PCSK1: variants seen among roughly 807,000 people sequenced by gnomAD.
PCSK1 encodes neuroendocrine convertase 1.
PCSK1 carries 56 observed loss-of-function variants against 90.6 expected under a neutral mutation model. The ratio of observed to expected loss-of-function variants is 0.62; its 90% CI spans 0.50 to 0.77. The LOEUF is 0.77. Ranked by LOEUF, PCSK1 falls within the 30% of genes least tolerant of loss-of-function variation. The pLI, the probability that PCSK1 is intolerant of heterozygous loss-of-function variation, is 0.00. For missense variants in PCSK1, 801 were observed against 932.6 expected (o/e 0.86, Z 1.84); for synonymous variants, 348 against 342.4 (o/e 1.02, Z -0.18).
chr5:96,415,922 C>G (rs1760924588), intron 6 of PCSK1, 111 bp downstream of exon 6: 1 of 749,342 alleles, frequency 1.3e-6, no homozygotes, highest in Non-Finnish European at 2.4e-6. Flanking sequence ...TGGCATGGAA[C>G]TAATTTGTTC....
At chr5:96,397,538 T>C (rs1760201029) in intron 11 of PCSK1, 69 bp from the exon 12 acceptor site, 1 of 1,398,074 alleles carries the variant, frequency 7.2e-7, no homozygotes, top group Non-Finnish European at 1.0e-6. Context: ...TAGCATCTGA[T>C]AACTGAAAAT....
intron 6 of PCSK1, among the ~76,000 whole-genome samples, chr5:96,413,993 G>T (rs1178941911): frequency 7.2e-6 from 1 of 139,608 alleles, no homozygotes; most frequent in Non-Finnish European, 1.5e-5. Flanking sequence ...AAAAAAATTA[G>T]CCGGGCGTAG....
rs1761530175 is a variant in PCSK1 at position 96,432,245 on chromosome 5, G to A, written c.180+618C>T. 4 of 870,668 alleles carry A rather than the reference G, an allele frequency of 4.6e-6. No individual in the cohort carries two copies. The South Asian group carries it at 6.6e-5, about 14-fold the overall frequency. 53.9% of individuals were successfully genotyped at this position (870,668 alleles called of 1,614,324 possible). A position where few individuals can be genotyped will look rare whatever the true frequency, so the allele number is the denominator to read the frequency against. On this transcript the variant is annotated intron_variant, in intron 1 of 13. Coordinates refer to ENST00000311106, the MANE Select transcript of PCSK1 (RefSeq NM_000439.5). The stretch of plus-strand genomic sequence containing the variant: ...GAGTCGCGGGGATAGATGGTCCCGT[G>A]TCTTTCACCCACCATTTCTCCCCCC...
At chr5:96,409,543 GT>G (rs1750072204) in intron 8 of PCSK1, among the ~76,000 whole-genome samples, 1 of 152,220 alleles carries the variant, frequency 6.6e-6, no homozygotes, top group Non-Finnish European at 1.5e-5. Flanking sequence ...TAAGGAGGGA[GT>G]TTTACAAAGA....
In PCSK1 at chr5:96,410,903, G is replaced by A. The variant is rs1343952904; in HGVS notation, c.966C>T (p.Tyr322=). Residue 322 remains tyrosine (Y), a synonymous_variant, in exon 8 of 14, where the codon TAC becomes TAT. Transcript: ENST00000311106. ...RQGDNCDCDG[Y]TDSIYTISIS... ...TGGAGATGGTGTAGATGCTGTCTGTGTAGCCATCACAGTCACAATTATCTC... is the reference window on the plus strand; with the variant it reads ...TGGAGATGGTGTAGATGCTGTCTGTATAGCCATCACAGTCACAATTATCTC... 2.5e-6 allele frequency: 4 copies of A among 1,613,522 alleles called. No individual in the cohort carries two copies. Among genetic ancestry groups the A allele is most frequent in the Admixed American group, 3.3e-5 (2 of 59,990 alleles).
At chr5:96,400,870 A>G (rs1328807367) in intron 9 of PCSK1, among the ~76,000 whole-genome samples, 5 of 150,664 alleles carry the variant, frequency 3.3e-5, no homozygotes, top group Non-Finnish European at 7.4e-5. Context: ...GGCGGATCAC[A>G]AGGTCAGGAG....
Position 96,404,253 on chromosome 5 carries a change from T to A in PCSK1, c.1196+3970A>T, listed in dbSNP as rs548038483. Among the ~76,000 whole-genome samples, 149 of 152,326 alleles carry A rather than the reference T, an allele frequency of 9.8e-4. 1 individual carries two copies. The highest frequency in any genetic ancestry group is 3.4e-3 in the African/African-American group (142 of 41,560). On this transcript the variant is annotated intron_variant, in intron 9 of 13. Transcript: ENST00000311106. ...TAGCATTTGTTTCTCAAAACTTGGT[T>A]AAGGTATTACTAGCATTAAAAAGTG...
At chr5:96,400,408 C>A (rs1760315658) in intron 9 of PCSK1, among the ~76,000 whole-genome samples, 1 of 152,224 alleles carries the variant, frequency 6.6e-6, no homozygotes, top group African/African-American at 2.4e-5. Flanking sequence ...TGACTTCTCT[C>A]CAGAGCATAT....
chr5:96,399,916 G>A, intron 10 of PCSK1, 37 bp downstream of exon 10: 1 of 1,459,636 alleles, frequency 6.9e-7, no homozygotes, highest in African/African-American at 1.4e-5. Context: ...ATTATGCCAT[G>A]GGCACACATG....
At chr5:96,403,372 G>A (rs145125367) in intron 9 of PCSK1, among the ~76,000 whole-genome samples, 1,574 of 152,044 alleles carry the variant, frequency 0.01, 28 homozygotes, top group African/African-American at 0.036. Context: ...CCGTTAACTC[G>A]TCATTTACAT....
At chr5:96,426,841 G>A (rs1761324038) in intron 2 of PCSK1, among the ~76,000 whole-genome samples, 1 of 151,866 alleles carries the variant, frequency 6.6e-6, no homozygotes, top group Non-Finnish European at 1.5e-5. Flanking sequence ...TGCAACTGAA[G>A]GATAAAACCA....
At position 96,421,954 on chromosome 5, in the gene PCSK1, A is replaced by T. The variant is rs1761141943; in HGVS notation, c.546T>A (p.Asp182Glu). The change falls in exon 5 of 14, where the codon GAT becomes GAA. Residue 182 changes from aspartate (D) to glutamate (E), a missense_variant and splice_region_variant. Physicochemically the swap from Asp to Glu is conservative, Grantham distance 45 (BLOSUM62 2). Transcript: ENST00000311106. ...WNHTDIYANY[D>E]PEASYDFNDN... ...CATTAAAATCATAGCTAGCCTCTGG[A>T]TCCTAAAGAGACAACAAAATATAAC... 1 of 1,299,660 alleles carries T rather than the reference A, an allele frequency of 7.7e-7. No individual in the cohort carries two copies. Among genetic ancestry groups the T allele is most frequent in the Non-Finnish European group, 1.1e-6 (1 of 906,738 alleles). The allele number at this position is 1,299,660 out of a possible 1,614,324, so 80.5% of individuals were successfully genotyped here.
intron 2 of PCSK1, among the ~76,000 whole-genome samples, chr5:96,427,307 C>T (rs532686887): frequency 1.3e-5 from 2 of 152,288 alleles, no homozygotes; most frequent in East Asian, 3.9e-4. Context: ...ATGTCATTAA[C>T]TCAGAATCAT....
chr5:96,412,542 T>C (rs761706656), intron 6 of PCSK1, 52 bp from the exon 7 acceptor site: 4 of 1,494,122 alleles, frequency 2.7e-6, no homozygotes, highest in Middle Eastern at 1.7e-4. Flanking sequence ...AGTATGTACA[T>C]GGACAAAAGC....
Position 96,390,900 on chromosome 5 carries a change from C to G in PCSK1, c.*2101G>C, listed in dbSNP as rs572594428. On this transcript the variant is annotated 3_prime_UTR_variant, in exon 14 of 14. Coordinates refer to ENST00000311106, the MANE Select transcript of PCSK1 (RefSeq NM_000439.5). ...TTGAGAGTGAACCTTTGGCTACAAC[C>G]CAATGAGTTGGCTGGGGTTTTAACC... 1.3e-5 allele frequency: 2 copies of G among 152,590 alleles called. No homozygotes were observed. Among genetic ancestry groups the G allele is most frequent in the African/African-American group, 4.8e-5 (2 of 41,534 alleles). 9.5% of individuals were successfully genotyped at this position (152,590 alleles called of 1,614,324 possible). A position where few individuals can be genotyped will look rare whatever the true frequency, so the allele number is the denominator to read the frequency against.
intron 1 of PCSK1, among the ~76,000 whole-genome samples, chr5:96,430,162 A>T (rs1761447577): frequency 6.6e-6 from 1 of 152,210 alleles, no homozygotes; most frequent in African/African-American, 2.4e-5. Flanking sequence ...CATTTAGGGC[A>T]GTTGTCCCAC....
intron 9 of PCSK1, among the ~76,000 whole-genome samples, chr5:96,402,381 A>G (rs6892752): frequency 0.046 from 7,029 of 152,130 alleles, 458 homozygotes; most frequent in African/African-American, 0.15. Flanking sequence ...TGTTCTTTCC[A>G]TATTGACATT....
intron 9 of PCSK1, among the ~76,000 whole-genome samples, chr5:96,407,978 G>C (rs1444998078): frequency 6.6e-6 from 1 of 152,080 alleles, no homozygotes; most frequent in African/African-American, 2.4e-5. Flanking sequence ...TTGTAGAATG[G>C]GTTTTAAAAA....
chr5:96,411,028 T>G (rs765816335), intron 7 of PCSK1, 42 bp from the exon 8 acceptor site: 1 of 1,379,406 alleles, frequency 7.2e-7, no homozygotes, highest in South Asian at 1.2e-5. Context: ...TTATCATCTA[T>G]TGGGGTCATT....
Sources: gnomAD v4.1 joint callset for allele counts (sites outside exome capture counted in the v4.1 genomes callset) on GRCh38, gnomAD v4.1.1 for gene constraint, MANE v1.5 for transcripts, NCBI Gene and HGNC (gene_info 2026-07-23, HGNC 2026-07-21) for gene names.